DPH6: variants seen among roughly 807,000 people sequenced by gnomAD.
The protein encoded by DPH6 is diphthamine biosynthesis 6, also known as diphthine--ammonia ligase.
DPH6 carries 33 observed loss-of-function variants against 38.2 expected under a neutral mutation model. That is an observed-to-expected ratio of 0.86 (90% CI 0.65 to 1.15). The LOEUF (loss-of-function observed/expected upper bound fraction) is 1.15, where lower values mean the gene tolerates loss of function less well. Ranked by LOEUF, DPH6 falls within the 50% of genes most tolerant of loss-of-function variation. DPH6 has a pLI of 0.00. For missense variants in DPH6, 325 were observed against 320.0 expected (o/e 1.02, Z -0.12); for synonymous variants, 108 against 103.0 (o/e 1.05, Z -0.30).
chr15:35,366,095 T>C (rs2052655992), downstream of DPH6: 2 of 901,434 alleles, frequency 2.2e-6, no homozygotes, highest in Non-Finnish European at 2.7e-6. Flanking sequence ...ATTTTGTAGG[T>C]TGTATAGAGG....
chr15:35,323,973 C>T (rs982433924), intron 3 of DPH6, among the ~76,000 whole-genome samples: 5 of 152,008 alleles, frequency 3.3e-5, no homozygotes, highest in African/African-American at 1.2e-4. Context: ...ATTTTGCTGA[C>T]CTATAGAGAA....
chr15:35,331,650 A>G (rs1483889506), intron 3 of DPH6, among the ~76,000 whole-genome samples: 1 of 152,228 alleles, frequency 6.6e-6, no homozygotes, highest in Non-Finnish European at 1.5e-5. Flanking sequence ...AGAATGAGAC[A>G]GGGAAGGAAA....
At chr15:35,460,501 C>T (rs2054051847) in intron 3 of DPH6, among the ~76,000 whole-genome samples, 1 of 152,096 alleles carries the variant, frequency 6.6e-6, no homozygotes, top group Non-Finnish European at 1.5e-5. Flanking sequence ...TCTGCTTAGG[C>T]CATTATCACT....
the DPH6 span, among the ~76,000 whole-genome samples, chr15:35,189,822 G>A: frequency 1.3e-5 from 2 of 152,086 alleles, no homozygotes; most frequent in Admixed American, 6.5e-5. Flanking sequence ...CCTTTTTACC[G>A]GGGGCTGCAG....
chr15:35,436,509 C>CAAACA (rs2053714138), intron 5 of DPH6, among the ~76,000 whole-genome samples: 1 of 107,592 alleles, frequency 9.3e-6, no homozygotes, highest in African/African-American at 4.2e-5. Context: ...CAAAACAAAA[C>CAAACA]AAAACAAAAA....
intron 3 of DPH6, among the ~76,000 whole-genome samples, chr15:35,348,754 A>G (rs1231185220): frequency 2.6e-5 from 4 of 152,100 alleles, no homozygotes; most frequent in Admixed American, 1.3e-4. Flanking sequence ...ATATTTTAAC[A>G]CTATTAAGTC....
chr15:35,432,911 C>A (rs1442407539), intron 5 of DPH6, among the ~76,000 whole-genome samples: 1 of 152,074 alleles, frequency 6.6e-6, no homozygotes, highest in Non-Finnish European at 1.5e-5. Flanking sequence ...GTACTGAGCT[C>A]ACTATCTGGG....
chr15:35,397,868 T>TATATAC (rs752473433), intron 6 of DPH6, among the ~76,000 whole-genome samples: 7,172 of 86,844 alleles, frequency 0.083, 233 homozygotes, highest in Middle Eastern at 0.11. Flanking sequence ...TTTATATATA[T>TATATAC]ACACACACAC....
intron 3 of DPH6, among the ~76,000 whole-genome samples, chr15:35,339,544 C>T (rs935167924): frequency 7.9e-5 from 12 of 152,094 alleles, no homozygotes; most frequent in South Asian, 4.2e-4. Flanking sequence ...AGGCTCGTCT[C>T]GAACTCCTAA....
chr15:35,546,001 C>A, intron 1 of DPH6, 118 bp downstream of exon 1: 3 of 957,036 alleles, frequency 3.1e-6, no homozygotes, highest in Non-Finnish European at 4.1e-6. Context: ...CTCGGAGGAG[C>A]CGCGGAACCC....
intron 3 of DPH6, among the ~76,000 whole-genome samples, chr15:35,304,888 C>T (rs2052077508): frequency 2.6e-5 from 4 of 151,754 alleles, no homozygotes; most frequent in South Asian, 4.1e-4. Context: ...ACGTGATATA[C>T]TTACAGAGTT....
chr15:35,257,462 C>T lies in DPH6; in HGVS notation n.201-36880G>A, dbSNP rs1255487988. 2.0e-5 allele frequency among the ~76,000 whole-genome samples: 3 copies of T among 152,206 alleles called. No individual in the cohort carries two copies. The East Asian group carries it at 5.8e-4, about 29-fold the overall frequency. ...GTTGTTGATTGGAGTGACAGCAATGCTAATCAAAAAGTATAAAAATAAAAA... is the reference window on the plus strand; with the variant it reads ...GTTGTTGATTGGAGTGACAGCAATGTTAATCAAAAAGTATAAAAATAAAAA... On this transcript the variant is annotated intron_variant and non_coding_transcript_variant, in intron 3 of 3. Coordinates refer to the DPH6 transcript ENST00000560386.
chr15:35,198,453 G>A, the DPH6 span, among the ~76,000 whole-genome samples: 2 of 152,190 alleles, frequency 1.3e-5, no homozygotes, highest in African/African-American at 2.4e-5. Context: ...GACAACAAAT[G>A]TAATTGGTGG....
At chr15:35,182,377 T>C in the DPH6 span, among the ~76,000 whole-genome samples, 1 of 152,084 alleles carries the variant, frequency 6.6e-6, no homozygotes, top group Admixed American at 6.5e-5. Flanking sequence ...ATTTAATACG[T>C]TTAGTTTCTA....
chr15:35,329,449 C>T (rs2052310329), downstream of DPH6, among the ~76,000 whole-genome samples: 1 of 152,034 alleles, frequency 6.6e-6, no homozygotes, highest in Non-Finnish European at 1.5e-5. Context: ...TTGTGAAATT[C>T]TAAATACCTG....
chr15:35,355,126 T>C (rs1809799486), intron 3 of DPH6, among the ~76,000 whole-genome samples: 1 of 152,198 alleles, frequency 6.6e-6, no homozygotes. Flanking sequence ...TTTTTTGTTT[T>C]CCATTTGCTT....
chr15:35,272,330 T>C (rs1317230739), intron 3 of DPH6, among the ~76,000 whole-genome samples: 1 of 152,142 alleles, frequency 6.6e-6, no homozygotes, highest in Non-Finnish European at 1.5e-5. Context: ...AGGGGTCCTG[T>C]AAGTTTTCCC....
intron 3 of DPH6, among the ~76,000 whole-genome samples, chr15:35,294,057 T>G (rs1239640359): frequency 6.6e-6 from 1 of 152,180 alleles, no homozygotes; most frequent in Non-Finnish European, 1.5e-5. Context: ...CAGCCCTTTC[T>G]CAGTGAACTG....
chr15:35,160,757 AG>A, the DPH6 span, among the ~76,000 whole-genome samples: 2 of 151,846 alleles, frequency 1.3e-5, no homozygotes, highest in African/African-American at 4.8e-5. Context: ...GCCAGTTCTT[AG>A]TACTTATCTT....
Sources: allele counts gnomAD v4.1 joint callset (sites outside exome capture counted in the v4.1 genomes callset), GRCh38; gene constraint gnomAD v4.1.1; transcripts MANE v1.5; gene names NCBI Gene and HGNC (gene_info 2026-07-23, HGNC 2026-07-21).